The following SLC25A26 variants were observed in gnomAD, a reference collection of about 807,000 sequenced individuals.
SLC25A26 encodes the protein solute carrier family 25 member 26, also known as mitochondrial S-adenosylmethionine carrier protein.
In SLC25A26, 36 loss-of-function variants were observed where a neutral mutation model predicts 37.8. The ratio of observed to expected loss-of-function variants is 0.95; its 90% confidence interval spans 0.73 to 1.26. The LOEUF (loss-of-function observed/expected upper bound fraction) is 1.26. Among genes scored for constraint, SLC25A26 ranks in the 50% most tolerant of loss-of-function variants. SLC25A26 has a pLI of 0.00. For synonymous variants in SLC25A26, 129 were observed against 122.5 expected, an observed-to-expected ratio of 1.05 and a Z score of -0.35; for missense variants, 390 against 331.1, an observed-to-expected ratio of 1.18 and a Z score of -1.38.
intron 1 of SLC25A26, among the ~76,000 whole-genome samples, chr3:66,147,737 C>T (rs2070140634): frequency 6.6e-6 from 1 of 152,058 alleles, no homozygotes; most frequent in South Asian, 2.1e-4. Flanking sequence ...GCACCACATA[C>T]ACACTAACAT....
intron 5 of SLC25A26, among the ~76,000 whole-genome samples, chr3:66,286,573 A>G (rs780393510): frequency 6.6e-6 from 1 of 152,126 alleles, no homozygotes; most frequent in Non-Finnish European, 1.5e-5. Flanking sequence ...GTTCCAAGCA[A>G]TGTCTTTATT....
intron 1 of SLC25A26, among the ~76,000 whole-genome samples, chr3:66,137,369 G>A (rs969392205): frequency 6.6e-6 from 1 of 152,010 alleles, no homozygotes; most frequent in African/African-American, 2.4e-5. Flanking sequence ...TGGGATTACA[G>A]GGGCCTGCCA....
Position 66,370,608 on chromosome 3 carries a change from A to G in SLC25A26, c.707+6A>G, listed in dbSNP as rs752842555. The G allele has an allele frequency of 3.1e-6, 5 of 1,611,964 alleles. No individual in the cohort carries two copies. The highest frequency in any genetic ancestry group is 4.2e-6 in the Non-Finnish European group (5 of 1,178,620). On this transcript the variant is annotated splice_donor_region_variant and intron_variant, in intron 9 of 9. Transcript: ENST00000354883. Reference sequence around the variant, plus strand: ...CGGTCACAGGGGCTGGCAGGGTAAGACGAGGAATGCCCTCCTTCCTTTCTT... The same window carrying G: ...CGGTCACAGGGGCTGGCAGGGTAAGGCGAGGAATGCCCTCCTTCCTTTCTT...
intron 5 of SLC25A26, among the ~76,000 whole-genome samples, chr3:66,283,148 T>G (rs189044461): frequency 1.3e-5 from 2 of 152,356 alleles, no homozygotes; most frequent in African/African-American, 4.8e-5. Flanking sequence ...ATTAAGAGAA[T>G]TCCTGTTAAT....
chr3:66,284,245 A>C (rs1393810063), intron 5 of SLC25A26, among the ~76,000 whole-genome samples: 4 of 152,130 alleles, frequency 2.6e-5, no homozygotes, highest in African/African-American at 9.7e-5. Flanking sequence ...TTTACTTGGG[A>C]GGCTGAGGTG....
rs904148112 is a variant in SLC25A26 at position 66,377,791 on chromosome 3, G to A, written c.809G>A (p.Gly270Asp). 49 of 1,613,594 alleles carry A rather than the reference G, an allele frequency of 3.0e-5. No homozygotes were observed. Among genetic ancestry groups the A allele is most frequent in the Non-Finnish European group, 4.0e-5 (47 of 1,179,708 alleles). The part of the protein sequence containing the change: ...DRTHSLLLEV[G>D]RKSP Reference sequence around the variant, plus strand: ...ACGCACAGCTTGCTGTTGGAAGTTGGCAGAAAGAGTCCTTGAAGCAGAGAC... The same window carrying A: ...ACGCACAGCTTGCTGTTGGAAGTTGACAGAAAGAGTCCTTGAAGCAGAGAC... Residue 270 changes from glycine to aspartate, a missense_variant, in exon 10 of 10, where the codon GGC (glycine) becomes GAC (aspartate). Coordinates refer to ENST00000354883, the MANE Select transcript of SLC25A26 (RefSeq NM_001379210.1).
chr3:66,247,784 G>A (rs1053857408), intron 3 of SLC25A26, among the ~76,000 whole-genome samples: 4 of 152,044 alleles, frequency 2.6e-5, no homozygotes, highest in Admixed American at 6.6e-5. Context: ...TACATATTAC[G>A]CCTTTCTTTT....
intron 1 of SLC25A26, among the ~76,000 whole-genome samples, chr3:66,150,613 T>TCATGGC (rs1402511751): frequency 3.1e-5 from 1 of 31,858 alleles, no homozygotes; most frequent in Non-Finnish European, 5.9e-5. Context: ...GATATATATA[T>TCATGGC]ATATATATAT....
rs555023311 is a variant in SLC25A26, at chr3:66,171,827, A to G, written c.-354+37843A>G. Among the ~76,000 whole-genome samples, 105 of 152,320 alleles carry G rather than the reference A, an allele frequency of 6.9e-4. 3 individuals carry two copies. Among genetic ancestry groups the G allele is most frequent in the South Asian group, 5.0e-3 (24 of 4,832 alleles). On this transcript the variant is annotated intron_variant, in intron 1 of 10. Transcript: ENST00000676754. ...TTTCAATTGTTCTTTAAATGTTTGTAGAGCAGCTTACTATGTGCCAGGAAC... is the reference window on the plus strand; with the variant it reads ...TTTCAATTGTTCTTTAAATGTTTGTGGAGCAGCTTACTATGTGCCAGGAAC...
At chr3:66,322,663 A>G (rs2075726982) in intron 5 of SLC25A26, among the ~76,000 whole-genome samples, 1 of 152,250 alleles carries the variant, frequency 6.6e-6, no homozygotes, top group Non-Finnish European at 1.5e-5. Context: ...ACAAACAAGC[A>G]TGGGCAAATG....
chr3:66,268,351 A>G (rs1023403969), intron 5 of SLC25A26, among the ~76,000 whole-genome samples: 20 of 152,224 alleles, frequency 1.3e-4, no homozygotes, highest in African/African-American at 3.9e-4. Flanking sequence ...GGAAGTACCA[A>G]TTGACACTTG....
Position 66,248,846 on chromosome 3 carries a change from C to T in SLC25A26, c.300+5534C>T, listed in dbSNP as rs144630847. 8.1e-3 allele frequency among the ~76,000 whole-genome samples: 1,240 copies of T among 152,296 alleles called. 8 individuals carry two copies. Among genetic ancestry groups the T allele is most frequent in the Non-Finnish European group, 9.5e-3 (646 of 68,020 alleles). ...TCTCCCCATACTTCACCATCAGTTG[C>T]GTAGGTAGCTAGTTACAAATGGGGA... is the stretch of plus-strand genomic sequence containing the variant. On this transcript the variant is annotated intron_variant, in intron 3 of 9. Transcript: ENST00000354883.
intron 5 of SLC25A26, among the ~76,000 whole-genome samples, chr3:66,288,334 AAAATT>A (rs2074584064): frequency 6.6e-6 from 1 of 152,140 alleles, no homozygotes; most frequent in African/African-American, 2.4e-5. Flanking sequence ...TTTTTTTAAA[AAAATT>A]AAACTTTAAG....
intron 8 of SLC25A26, among the ~76,000 whole-genome samples, chr3:66,369,840 C>T (rs568179764): frequency 9.2e-5 from 14 of 152,284 alleles, no homozygotes; most frequent in Middle Eastern, 3.4e-3. Context: ...GAGAGGTTGA[C>T]GAGCCTCCTG....
At chr3:66,299,340 G>A (rs922574209) in intron 5 of SLC25A26, among the ~76,000 whole-genome samples, 2 of 152,070 alleles carry the variant, frequency 1.3e-5, no homozygotes, top group Non-Finnish European at 2.9e-5. Context: ...CTACAGATGT[G>A]TGCCACCATG....
chr3:66,295,702 G>A (rs1376674623), intron 5 of SLC25A26, among the ~76,000 whole-genome samples: 5 of 151,836 alleles, frequency 3.3e-5, no homozygotes, highest in Non-Finnish European at 7.4e-5. Flanking sequence ...GTTTCACCAT[G>A]CTGGCCAGGC....
intron 5 of SLC25A26, among the ~76,000 whole-genome samples, chr3:66,264,661 T>C (rs1313780297): frequency 6.6e-6 from 1 of 152,210 alleles, no homozygotes; most frequent in Admixed American, 6.5e-5. Flanking sequence ...AGTTTCATCC[T>C]GAAACCACCC....
chr3:66,349,589 A>G lies in SLC25A26; in HGVS notation c.498+3181A>G, dbSNP rs74633907. On this transcript the variant is annotated intron_variant, in intron 6 of 9. Transcript: ENST00000354883. ...TCCATATGTGTATGGATATGCTACAATTTATTCACTAGTTTATATACATTG... is the reference window on the plus strand; with the variant it reads ...TCCATATGTGTATGGATATGCTACAGTTTATTCACTAGTTTATATACATTG... Among the ~76,000 whole-genome samples the G allele has an allele frequency of 8.0e-3, 1,214 of 152,190 alleles. 15 individuals are homozygous for G. The highest frequency in any genetic ancestry group is 0.031 in the Middle Eastern group (9 of 294).
chr3:66,149,643 A>T (rs971756761), intron 1 of SLC25A26, among the ~76,000 whole-genome samples: 2 of 152,198 alleles, frequency 1.3e-5, no homozygotes, highest in Non-Finnish European at 2.9e-5. Context: ...GTCCAGGTAA[A>T]CAAACTGAGG....
Sources: gnomAD v4.1 joint callset for allele counts (sites outside exome capture counted in the v4.1 genomes callset) on GRCh38, gnomAD v4.1.1 for gene constraint, MANE v1.5 for transcripts, NCBI Gene and HGNC (gene_info 2026-07-23, HGNC 2026-07-21) for gene names.